Variants in NTRK3 observed in about 807,000 individuals in gnomAD.
NTRK3 encodes NT-3 growth factor receptor.
A neutral mutation model predicts 91.7 loss-of-function variants in NTRK3; 24 were observed. That is an observed-to-expected ratio of 0.26 (90% CI 0.19 to 0.37). The LOEUF (loss-of-function observed/expected upper bound fraction) is 0.37, where lower values mean the gene tolerates loss of function less well. Among genes scored for constraint, NTRK3 ranks in the 10% least tolerant of loss-of-function variants. The pLI is 1.00. For missense variants in NTRK3, 880 were observed against 1,068.9 expected, an observed-to-expected ratio of 0.82 and a Z score of 2.46; for synonymous variants, 483 against 404.0, an observed-to-expected ratio of 1.20 and a Z score of -2.34.
intron 14 of NTRK3, among the ~76,000 whole-genome samples, chr15:88,024,057 G>A (rs1447153125): frequency 6.6e-6 from 1 of 152,238 alleles, no homozygotes; most frequent in Non-Finnish European, 1.5e-5. Context: ...CTGATGCACT[G>A]TTAATACTGC....
At position 88,186,075 on chromosome 15, in the gene NTRK3, G is replaced by A. The variant is rs553469433; in HGVS notation, c.249-1776C>T. ...TGGCAACATTTCAGATGAAAAGAAA[G>A]CGCCAGAGGAGTAGAACTATCTGTG... is the stretch of plus-strand genomic sequence containing the variant. On this transcript the variant is annotated intron_variant, in intron 3 of 18. Coordinates refer to ENST00000394480, the Ensembl canonical transcript of NTRK3. 3.9e-5 allele frequency among the ~76,000 whole-genome samples: 6 copies of A among 152,232 alleles called. No homozygotes were observed. The South Asian group carries it at 1.2e-3, about 32-fold the overall frequency.
At chr15:88,165,163 G>A (rs1038764258) in intron 5 of NTRK3, among the ~76,000 whole-genome samples, 2 of 152,200 alleles carry the variant, frequency 1.3e-5, no homozygotes, top group African/African-American at 4.8e-5. Context: ...AAAAGGGCAT[G>A]TGGATGCATG....
At chr15:88,127,256 C>G in intron 11 of NTRK3, 30 bp from the exon 12 acceptor site, 1 of 1,600,370 alleles carries the variant, frequency 6.2e-7, no homozygotes, top group Non-Finnish European at 8.6e-7. Context: ...AGGAGGAGGA[C>G]AGTTAGCTTC....
intron 13 of NTRK3, among the ~76,000 whole-genome samples, chr15:88,038,878 C>T (rs2079321646): frequency 6.6e-6 from 1 of 152,110 alleles, no homozygotes; most frequent in Non-Finnish European, 1.5e-5. Flanking sequence ...TCTCACATCA[C>T]TTGCCTCAGG....
chr15:88,177,247 C>G (rs1269004296), intron 5 of NTRK3, among the ~76,000 whole-genome samples: 1 of 152,180 alleles, frequency 6.6e-6, no homozygotes, highest in African/African-American at 2.4e-5. Context: ...AATTGGAGGG[C>G]TTTAAGCAGC....
chr15:87,929,604 T>G (rs1286815612), intron 16 of NTRK3, among the ~76,000 whole-genome samples, 170 bp from the exon 17 acceptor site: 1 of 152,184 alleles, frequency 6.6e-6, no homozygotes, highest in Non-Finnish European at 1.5e-5. Flanking sequence ...TATGTACGTG[T>G]GGGTAAGGGT....
Position 87,981,111 on chromosome 15 carries a change from G to A in NTRK3, c.1586-40358C>T, listed in dbSNP as rs573698219. ...CAAATCCCGTGCTGGGCACCTAGTC[G>A]TACCTCAGTCCACGAAATATATGGA... On this transcript the variant is annotated intron_variant, in intron 14 of 18. Coordinates refer to ENST00000394480, the Ensembl canonical transcript of NTRK3. 3.1e-5 allele frequency: 47 copies of A among 1,496,430 alleles called. No homozygotes were observed. The East Asian group carries it at 4.2e-4, about 13-fold the overall frequency. 92.7% of individuals were successfully genotyped at this position (1,496,430 alleles called of 1,614,324 possible). A position where few individuals can be genotyped will look rare whatever the true frequency, so the allele number is the denominator to read the frequency against.
At chr15:88,048,817 G>T (rs758240157) in intron 13 of NTRK3, among the ~76,000 whole-genome samples, 1 of 152,190 alleles carries the variant, frequency 6.6e-6, no homozygotes, top group Non-Finnish European at 1.5e-5. Flanking sequence ...ATCCTGGAAG[G>T]CAAGAGCAAC....
chr15:88,173,172 A>C (rs1301029361), intron 5 of NTRK3, among the ~76,000 whole-genome samples: 2 of 152,196 alleles, frequency 1.3e-5, no homozygotes, highest in African/African-American at 4.8e-5. Flanking sequence ...TGGGATATGG[A>C]AAGAATGCGG....
At chr15:88,206,356 C>A (rs1323635547) in intron 3 of NTRK3, among the ~76,000 whole-genome samples, 9 of 126,222 alleles carry the variant, frequency 7.1e-5, no homozygotes, top group African/African-American at 2.8e-4. Context: ...AAAAAAAAAC[C>A]AAAAAACAAA....
chr15:88,245,610 A>G (rs2052741995), intron 3 of NTRK3, among the ~76,000 whole-genome samples: 2 of 152,200 alleles, frequency 1.3e-5, no homozygotes, highest in African/African-American at 4.8e-5. Context: ...TGGAAGCAAG[A>G]AGAACAGATG....
intron 14 of NTRK3, among the ~76,000 whole-genome samples, chr15:87,998,440 T>C (rs2075862000): frequency 6.6e-6 from 1 of 152,254 alleles, no homozygotes; most frequent in African/African-American, 2.4e-5. Flanking sequence ...GTATGTGTTA[T>C]GGGGCAGTGG....
chr15:88,117,266 C>T (rs752170035), intron 13 of NTRK3, among the ~76,000 whole-genome samples: 2 of 152,186 alleles, frequency 1.3e-5, no homozygotes, highest in Non-Finnish European at 1.5e-5. Flanking sequence ...GCAGTTTTCT[C>T]ATCTTTAAAG....
chr15:88,123,907 G>A (rs186350445), intron 13 of NTRK3, among the ~76,000 whole-genome samples: 445 of 152,252 alleles, frequency 2.9e-3, no homozygotes, highest in Non-Finnish European at 4.9e-3. Context: ...CAGACTTAAC[G>A]AGTCTATTCT....
exon 19 of NTRK3, chr15:87,875,858 T>G (rs1201901926): frequency 4.3e-6 from 1 of 232,324 alleles, no homozygotes; most frequent in East Asian, 6.1e-5. Context: ...GATGAGAAAC[T>G]GAGAGGACCA....
intron 13 of NTRK3, among the ~76,000 whole-genome samples, chr15:88,068,602 G>C (rs2046851933): frequency 6.6e-6 from 1 of 152,194 alleles, no homozygotes; most frequent in Non-Finnish European, 1.5e-5. Context: ...AAGGCAAGCA[G>C]CTGCTGTGAG....
At chr15:88,006,217 C>T (rs1596648583) in intron 14 of NTRK3, among the ~76,000 whole-genome samples, 1 of 152,342 alleles carries the variant, frequency 6.6e-6, no homozygotes, top group East Asian at 1.9e-4. Context: ...CACAACCTCT[C>T]ATAATTATTC....
chr15:87,974,542 C>T (rs1345634872), intron 14 of NTRK3, among the ~76,000 whole-genome samples: 1 of 152,008 alleles, frequency 6.6e-6, no homozygotes, highest in Non-Finnish European at 1.5e-5. Context: ...CTATCTGAAG[C>T]TTCTCACCCT....
At chr15:88,021,254 C>A (rs2077569937) in intron 14 of NTRK3, among the ~76,000 whole-genome samples, 1 of 152,194 alleles carries the variant, frequency 6.6e-6, no homozygotes, top group Non-Finnish European at 1.5e-5. Flanking sequence ...CTCCGAGGGG[C>A]TTGAGAGGAA....
Sources: gnomAD v4.1 joint callset for allele counts (sites outside exome capture counted in the v4.1 genomes callset) on GRCh38, gnomAD v4.1.1 for gene constraint, MANE v1.5 for transcripts, NCBI Gene and HGNC (gene_info 2026-07-23, HGNC 2026-07-21) for gene names.